The following CDH18 variants were observed in gnomAD, a reference collection of about 807,000 sequenced individuals.
The protein encoded by CDH18 is cadherin 18.
A neutral mutation model predicts 67.9 loss-of-function variants in CDH18; 31 were observed. That is an observed-to-expected ratio of 0.46 (90% CI 0.34 to 0.62). The LOEUF (loss-of-function observed/expected upper bound fraction) is 0.62. Among genes scored for constraint, CDH18 ranks in the 20% least tolerant of loss-of-function variants. The pLI, the probability that CDH18 is intolerant of heterozygous loss-of-function variation, is 0.01. For synonymous variants in CDH18, 362 were observed against 347.2 expected (o/e 1.04, Z -0.48); for missense variants, 890 against 975.5 (o/e 0.91, Z 1.17).
chr5:19,922,341 C>G (rs1792582129), intron 2 of CDH18, among the ~76,000 whole-genome samples: 1 of 152,132 alleles, frequency 6.6e-6, no homozygotes. Context: ...GTTAAATTAG[C>G]TTGAAATTAC....
chr5:19,596,184 A>G (rs1295786772), intron 6 of CDH18, among the ~76,000 whole-genome samples: 1 of 152,224 alleles, frequency 6.6e-6, no homozygotes, highest in Non-Finnish European at 1.5e-5. Flanking sequence ...TACTAAGAAG[A>G]GGCTTTTGTC....
chr5:19,621,782 C>T (rs1398802452), intron 5 of CDH18, among the ~76,000 whole-genome samples: 1 of 152,088 alleles, frequency 6.6e-6, no homozygotes, highest in East Asian at 1.9e-4. Flanking sequence ...GATACTGTAT[C>T]GGACACTTAA....
At chr5:20,514,814 T>A (rs1476056410) in intron 1 of CDH18, among the ~76,000 whole-genome samples, 1 of 152,190 alleles carries the variant, frequency 6.6e-6, no homozygotes, top group Non-Finnish European at 1.5e-5. Context: ...CTGATTGTGT[T>A]TTCAGATGTC....
intron 2 of CDH18, among the ~76,000 whole-genome samples, chr5:20,162,920 A>G (rs1736000995): frequency 6.6e-6 from 1 of 151,990 alleles, no homozygotes; most frequent in Non-Finnish European, 1.5e-5. Context: ...TTAGCTGGGC[A>G]TGGTGGTGCA....
At chr5:19,857,249 TA>T (rs5866402) in intron 2 of CDH18, among the ~76,000 whole-genome samples, 74,074 of 139,370 alleles carry the variant, frequency 0.53, 18,227 homozygotes, top group Middle Eastern at 0.63. Context: ...AAACGAATAC[TA>T]AAAAAAAAAA....
chr5:20,175,592 C>T (rs1225602029), intron 2 of CDH18, among the ~76,000 whole-genome samples: 2 of 152,072 alleles, frequency 1.3e-5, no homozygotes, highest in Non-Finnish European at 2.9e-5. Flanking sequence ...GCTGCTTTGG[C>T]ATCCCTGTAG....
At chr5:20,132,882 C>T (rs545842634) in intron 2 of CDH18, among the ~76,000 whole-genome samples, 11 of 152,132 alleles carry the variant, frequency 7.2e-5, no homozygotes, top group African/African-American at 2.4e-4. Flanking sequence ...CGTTATTTTC[C>T]TTTCATTTAT....
At chr5:19,877,723 G>C (rs1787184071) in intron 2 of CDH18, among the ~76,000 whole-genome samples, 1 of 152,110 alleles carries the variant, frequency 6.6e-6, no homozygotes, top group Non-Finnish European at 1.5e-5. Context: ...ACAGCAAAGA[G>C]AATTTCAGTG....
chr5:20,099,573 C>T (rs1746280074), intron 2 of CDH18, among the ~76,000 whole-genome samples: 1 of 150,356 alleles, frequency 6.7e-6, no homozygotes, highest in South Asian at 2.1e-4. Flanking sequence ...ATTATTCTTG[C>T]TTTAACAACA....
intron 2 of CDH18, among the ~76,000 whole-genome samples, chr5:19,930,776 C>T (rs1182383127): frequency 1.3e-5 from 2 of 151,820 alleles, no homozygotes; most frequent in Admixed American, 1.3e-4. Flanking sequence ...TGCATAAGAT[C>T]CGTAATATAT....
intron 1 of CDH18, among the ~76,000 whole-genome samples, chr5:20,324,350 T>G (rs1257590529): frequency 1.3e-5 from 2 of 152,068 alleles, no homozygotes; most frequent in African/African-American, 4.8e-5. Context: ...CCATCCTGGC[T>G]AACATGGTGA....
chr5:19,994,703 A>G (rs1735751155), intron 2 of CDH18, among the ~76,000 whole-genome samples: 1 of 16,406 alleles, frequency 6.1e-5, no homozygotes, highest in Non-Finnish European at 9.5e-5. Flanking sequence ...CTCTTCCAGT[A>G]TATATATATA....
intron 2 of CDH18, among the ~76,000 whole-genome samples, chr5:20,192,187 C>T (rs1362562536): frequency 1.3e-5 from 2 of 150,964 alleles, no homozygotes. Context: ...ATATCCTTTT[C>T]CCACTTTTCG....
chr5:19,577,236 G>T (rs1469989802), intron 7 of CDH18, among the ~76,000 whole-genome samples: 1 of 151,994 alleles, frequency 6.6e-6, no homozygotes, highest in African/African-American at 2.4e-5. Context: ...CTAAAAGAGA[G>T]AATTTTAAAT....
At chr5:20,047,006 C>CA (rs1016874108) in intron 2 of CDH18, among the ~76,000 whole-genome samples, 36 of 150,126 alleles carry the variant, frequency 2.4e-4, no homozygotes, top group East Asian at 7.8e-4. Context: ...AAGTATAATA[C>CA]AAAAAAAACA....
intron 5 of CDH18, among the ~76,000 whole-genome samples, chr5:19,648,042 C>A (rs1006103103): frequency 6.6e-6 from 1 of 151,388 alleles, no homozygotes; most frequent in Non-Finnish European, 1.5e-5. Context: ...GTCAAACTTA[C>A]CATTGAGGTG....
At chr5:19,995,309 C>G (rs1180534418) in intron 2 of CDH18, among the ~76,000 whole-genome samples, 1 of 152,042 alleles carries the variant, frequency 6.6e-6, no homozygotes, top group Non-Finnish European at 1.5e-5. Flanking sequence ...AGAAAACTAT[C>G]AGGCATATAG....
At chr5:19,712,010 A>T (rs1764766121) in intron 5 of CDH18, among the ~76,000 whole-genome samples, 2 of 152,124 alleles carry the variant, frequency 1.3e-5, no homozygotes, top group South Asian at 4.1e-4. Flanking sequence ...TTTTGCAGGA[A>T]CATAGACGGA....
At chr5:20,052,966 A>G (rs1019432895) in intron 2 of CDH18, among the ~76,000 whole-genome samples, 2 of 152,116 alleles carry the variant, frequency 1.3e-5, no homozygotes, top group Admixed American at 1.3e-4. Flanking sequence ...AGAATCCCTG[A>G]GCAGGCAAAG....
Sources: allele counts gnomAD v4.1 joint callset (sites outside exome capture counted in the v4.1 genomes callset), GRCh38; gene constraint gnomAD v4.1.1; transcripts MANE v1.5; gene names NCBI Gene and HGNC (gene_info 2026-07-23, HGNC 2026-07-21).